Variants in CADPS observed in about 807,000 individuals in gnomAD.
CADPS encodes the protein calcium-dependent secretion activator 1.
A neutral mutation model predicts 167.3 loss-of-function variants in CADPS; 57 were observed. The ratio of observed to expected loss-of-function variants is 0.34; its 90% CI spans 0.28 to 0.42. The LOEUF (loss-of-function observed/expected upper bound fraction) is 0.42. CADPS is among the 20% of genes least tolerant of loss of function. The probability of loss-of-function intolerance (pLI) is 1.00; values close to 1 mark genes in which losing one functional copy is unlikely to be tolerated. For missense variants in CADPS, 1,414 were observed against 1,738.1 expected, an observed-to-expected ratio of 0.81 and a Z score of 3.32; for synonymous variants, 676 against 635.3, an observed-to-expected ratio of 1.06 and a Z score of -0.96.
intron 1 of CADPS, among the ~76,000 whole-genome samples, chr3:62,836,872 G>A (rs1033995145): frequency 6.6e-6 from 1 of 152,078 alleles, no homozygotes; most frequent in African/African-American, 2.4e-5. Context: ...AAAGAATCAG[G>A]AACACATTCC....
intron 28 of CADPS, among the ~76,000 whole-genome samples, chr3:62,413,602 T>C (rs949161320): frequency 1.3e-5 from 2 of 152,132 alleles, no homozygotes; most frequent in African/African-American, 4.8e-5. Context: ...TACCAGGGGC[T>C]AAGGGGAGGG....
In CADPS at chr3:62,417,281, T is replaced by C. The variant is rs1226151228; in HGVS notation, c.3778-14096A>G. 4.5e-3 allele frequency among the ~76,000 whole-genome samples: 556 copies of C among 123,236 alleles called. 103 individuals are homozygous for C. The highest frequency in any genetic ancestry group is 0.028 in the East Asian group (115 of 4,116). 80.8% of individuals were successfully genotyped at this position (123,236 alleles called of 152,430 possible). A position where few individuals can be genotyped will look rare whatever the true frequency, so the allele number is the denominator to read the frequency against. On this transcript the variant is annotated intron_variant, in intron 28 of 29. Transcript: ENST00000383710. ...ATAACTATTTTTCTTTTACTCTTTT[T>C]TTTTTTTTTTTTTTTTTTTTTTTGA... is the stretch of plus-strand genomic sequence containing the variant.
chr3:62,628,974 T>C (rs968612138), intron 6 of CADPS, among the ~76,000 whole-genome samples: 1 of 152,128 alleles, frequency 6.6e-6, no homozygotes, highest in African/African-American at 2.4e-5. Context: ...TTTTCTTCAC[T>C]GTCAATCCAG....
chr3:62,857,534 T>C (rs1290720917), intron 1 of CADPS, among the ~76,000 whole-genome samples: 1 of 152,040 alleles, frequency 6.6e-6, no homozygotes, highest in African/African-American at 2.4e-5. Flanking sequence ...TACAAAGTCA[T>C]TTAGAAGAAT....
intron 3 of CADPS, among the ~76,000 whole-genome samples, chr3:62,725,185 T>C (rs74917537): frequency 0.077 from 11,676 of 152,200 alleles, 581 homozygotes; most frequent in Non-Finnish European, 0.11. Flanking sequence ...AGTAGAACTG[T>C]CTCGAATGAT....
intron 3 of CADPS, among the ~76,000 whole-genome samples, chr3:62,744,270 C>T (rs2080966651): frequency 6.6e-6 from 1 of 151,902 alleles, no homozygotes; most frequent in African/African-American, 2.4e-5. Flanking sequence ...ATTATGAAGC[C>T]TCCACTAACA....
intron 1 of CADPS, among the ~76,000 whole-genome samples, chr3:62,852,368 G>C (rs192595118): frequency 1.1e-3 from 169 of 152,140 alleles, no homozygotes; most frequent in African/African-American, 4.0e-3. Flanking sequence ...CTTCTGTGTC[G>C]CTCACACTGG....
At chr3:62,842,412 G>A (rs2076772670) in intron 1 of CADPS, among the ~76,000 whole-genome samples, 1 of 152,148 alleles carries the variant, frequency 6.6e-6, no homozygotes. Context: ...ATGGAGTGAG[G>A]ATTTTCTTCA....
intron 1 of CADPS, among the ~76,000 whole-genome samples, chr3:62,842,789 C>T (rs2076830966): frequency 6.6e-6 from 1 of 152,168 alleles, no homozygotes; most frequent in South Asian, 2.1e-4. Context: ...GCCCCTATCT[C>T]ACTCTCTAGA....
At position 62,517,572 on chromosome 3, in the gene CADPS, C is replaced by T. The variant is rs189273897; in HGVS notation, c.2393+577G>A. ...TATTTTTCAGTTACTATTTCAGGAT[C>T]TCTGGTCCAGAACCACCAGGACAGC... On this transcript the variant is annotated intron_variant, in intron 14 of 29. Transcript: ENST00000383710. Among the ~76,000 whole-genome samples, 3 of 152,306 alleles carry T rather than the reference C, an allele frequency of 2.0e-5. No individual in the cohort carries two copies. The East Asian group carries it at 5.8e-4, about 29-fold the overall frequency.
chr3:62,592,788 C>T (rs752537161), intron 6 of CADPS, 40 bp from the exon 7 acceptor site: 1 of 1,437,866 alleles, frequency 7.0e-7, no homozygotes. Flanking sequence ...GACATATCTG[C>T]CTTGATGAGT....
intron 6 of CADPS, among the ~76,000 whole-genome samples, chr3:62,639,767 T>G (rs576415736): frequency 6.6e-6 from 1 of 152,144 alleles, no homozygotes; most frequent in African/African-American, 2.4e-5. Flanking sequence ...CTAAGACCTG[T>G]AAGTTGTCGG....
intron 27 of CADPS, among the ~76,000 whole-genome samples, chr3:62,442,498 C>T (rs539472162): frequency 1.6e-4 from 25 of 152,172 alleles, no homozygotes; most frequent in African/African-American, 4.8e-4. Flanking sequence ...GTATTATAGG[C>T]GTGAGCTGCT....
At chr3:62,558,707 G>A (rs542999462) in intron 9 of CADPS, among the ~76,000 whole-genome samples, 1 of 152,140 alleles carries the variant, frequency 6.6e-6, no homozygotes, top group Admixed American at 6.5e-5. Flanking sequence ...AAGGGTGTCC[G>A]CAGGAGGATG....
intron 13 of CADPS, among the ~76,000 whole-genome samples, chr3:62,525,977 T>A (rs1278368795): frequency 1.3e-5 from 2 of 152,014 alleles, no homozygotes; most frequent in Non-Finnish European, 2.9e-5. Context: ...AATGGTGGAC[T>A]TGAGAGATAC....
chr3:62,830,810 T>G (rs1347290084), intron 1 of CADPS, among the ~76,000 whole-genome samples: 5 of 152,172 alleles, frequency 3.3e-5, no homozygotes, highest in African/African-American at 1.2e-4. Context: ...TCTCATCAAA[T>G]TCTGGGCTAC....
chr3:62,797,876 AT>A (rs2093533912), intron 1 of CADPS, among the ~76,000 whole-genome samples: 1 of 152,196 alleles, frequency 6.6e-6, no homozygotes, highest in Admixed American at 6.5e-5. Flanking sequence ...TAACAAAAAA[AT>A]CTTTTGAGAC....
intron 26 of CADPS, among the ~76,000 whole-genome samples, chr3:62,462,244 A>G (rs890830761): frequency 6.6e-6 from 1 of 152,370 alleles, no homozygotes; most frequent in African/African-American, 2.4e-5. Flanking sequence ...CATAAATCCC[A>G]GGCTGCTACT....
intron 1 of CADPS, among the ~76,000 whole-genome samples, chr3:62,844,037 C>G (rs1424023910): frequency 6.6e-6 from 1 of 152,052 alleles, no homozygotes; most frequent in Non-Finnish European, 1.5e-5. Flanking sequence ...TTGCATAATC[C>G]AGAACTAAAG....
Sources: allele counts gnomAD v4.1 joint callset (sites outside exome capture counted in the v4.1 genomes callset), GRCh38; gene constraint gnomAD v4.1.1; transcripts MANE v1.5; gene names NCBI Gene and HGNC (gene_info 2026-07-23, HGNC 2026-07-21).